Variants in EEIG2 observed in about 807,000 individuals in gnomAD.
The protein encoded by EEIG2 is family with sequence similarity 102 member B.
the EEIG2 span, among the ~76,000 whole-genome samples, chr1:108,632,674 T>C: frequency 7.9e-5 from 12 of 152,320 alleles, no homozygotes; most frequent in Admixed American, 1.3e-4. Flanking sequence ...TAGTTACCTC[T>C]GCTGAAAAGT....
At chr1:108,587,551 C>T in the EEIG2 span, among the ~76,000 whole-genome samples, 4 of 152,166 alleles carry the variant, frequency 2.6e-5, no homozygotes, top group African/African-American at 9.7e-5. Flanking sequence ...CCCTAAAAAT[C>T]CTCTGTGCTC....
chr1:108,576,012 A>T, the EEIG2 span, among the ~76,000 whole-genome samples: 1 of 152,076 alleles, frequency 6.6e-6, no homozygotes, highest in African/African-American at 2.4e-5. Flanking sequence ...TTTTAATGTT[A>T]TTTGTTTTGT....
At chr1:108,627,327 A>G in the EEIG2 span, 2 of 152,208 alleles carry the variant, frequency 1.3e-5, no homozygotes, top group African/African-American at 4.8e-5. Context: ...TGTTGGTCCA[A>G]CTGCATGCAG....
the EEIG2 span, among the ~76,000 whole-genome samples, chr1:108,580,861 A>G: frequency 1.3e-5 from 2 of 152,204 alleles, no homozygotes; most frequent in African/African-American, 2.4e-5. Context: ...GAGCGCAGCA[A>G]CTTATCCAGA....
chr1:108,603,780 A>G, the EEIG2 span, among the ~76,000 whole-genome samples: 1 of 152,250 alleles, frequency 6.6e-6, no homozygotes, highest in Non-Finnish European at 1.5e-5. Context: ...GTTTTTTAAA[A>G]AAGCAGCAAA....
At chr1:108,596,033 G>A in the EEIG2 span, among the ~76,000 whole-genome samples, 1 of 152,184 alleles carries the variant, frequency 6.6e-6, no homozygotes, top group African/African-American at 2.4e-5. Flanking sequence ...CTTCAGCACA[G>A]CATTATAAAT....
At chr1:108,578,588 A>G in the EEIG2 span, among the ~76,000 whole-genome samples, 1 of 150,844 alleles carries the variant, frequency 6.6e-6, no homozygotes, top group African/African-American at 2.4e-5. Context: ...CTCTGTTTAT[A>G]TGCTGGATTA....
chr1:108,609,172 T>C, the EEIG2 span, among the ~76,000 whole-genome samples: 4 of 152,202 alleles, frequency 2.6e-5, no homozygotes, highest in Non-Finnish European at 4.4e-5. Context: ...ATTACAATAG[T>C]AGATGGTAAG....
At chr1:108,638,722 CTGAGA>C in the EEIG2 span, 1 of 152,084 alleles carries the variant, frequency 6.6e-6, no homozygotes, top group Non-Finnish European at 1.5e-5. Context: ...ATGTTAATAG[CTGAGA>C]TGTTAAAGAA....
At chr1:108,612,038 C>A in the EEIG2 span, 1 of 496,870 alleles carries the variant, frequency 2.0e-6, no homozygotes, top group Non-Finnish European at 3.6e-6. Flanking sequence ...AATAATAGAA[C>A]AGGTATTAAG....
the EEIG2 span, among the ~76,000 whole-genome samples, chr1:108,614,243 C>T: frequency 6.6e-6 from 1 of 150,838 alleles, no homozygotes; most frequent in Non-Finnish European, 1.5e-5. Context: ...CCTGGCTCCT[C>T]TGTCCCTGTC....
chr1:108,609,950 A>G, the EEIG2 span, among the ~76,000 whole-genome samples: 22 of 152,218 alleles, frequency 1.4e-4, no homozygotes, highest in Non-Finnish European at 4.4e-5. Context: ...TAGCTGTTGC[A>G]TGCTGGGCTT....
At chr1:108,628,709 A>C in the EEIG2 span, 1 of 1,612,976 alleles carries the variant, frequency 6.2e-7, no homozygotes, top group Admixed American at 1.7e-5. Context: ...GTAGAATCTC[A>C]GCTGAAGCGA....
chr1:108,636,667 A>G, the EEIG2 span: 4 of 152,078 alleles, frequency 2.6e-5, no homozygotes, highest in Non-Finnish European at 5.9e-5. Flanking sequence ...ATGTAGAGAG[A>G]CTCTGAGAGA....
the EEIG2 span, among the ~76,000 whole-genome samples, chr1:108,632,945 C>T: frequency 2.1e-5 from 1 of 48,182 alleles, no homozygotes; most frequent in East Asian, 6.7e-4. Context: ...CCATGCCCAG[C>T]ATTTTTTTTT....
At chr1:108,630,578 TAAAAA>T in the EEIG2 span, among the ~76,000 whole-genome samples, 6 of 152,090 alleles carry the variant, frequency 3.9e-5, no homozygotes, top group Admixed American at 2.6e-4. Flanking sequence ...AGTATAATAA[TAAAAA>T]AAGAAAAGTT....
At chr1:108,622,878 C>T in the EEIG2 span, among the ~76,000 whole-genome samples, 1 of 152,162 alleles carries the variant, frequency 6.6e-6, no homozygotes. Flanking sequence ...CCTGTTTTAT[C>T]TCTGGTCACC....
At chr1:108,588,817 G>A in the EEIG2 span, among the ~76,000 whole-genome samples, 3 of 148,244 alleles carry the variant, frequency 2.0e-5, no homozygotes, top group Admixed American at 2.0e-4. Flanking sequence ...TGTAAGGTTT[G>A]TAAATATTTT....
At chr1:108,562,996 T>G in the EEIG2 span, among the ~76,000 whole-genome samples, 1 of 152,180 alleles carries the variant, frequency 6.6e-6, no homozygotes, top group Non-Finnish European at 1.5e-5. Context: ...ATGTGCCCCT[T>G]AAAAGTCAGG....
Sources: gnomAD v4.1 joint callset for allele counts (sites outside exome capture counted in the v4.1 genomes callset) on GRCh38, gnomAD v4.1.1 for gene constraint, MANE v1.5 for transcripts, NCBI Gene and HGNC (gene_info 2026-07-23, HGNC 2026-07-21) for gene names.